Variants in OSBP observed in about 807,000 individuals in gnomAD.
OSBP encodes the protein oxysterol binding protein.
In OSBP, 32 loss-of-function variants were observed where a neutral mutation model predicts 96.6. The ratio of observed to expected loss-of-function variants is 0.33; its 90% CI spans 0.25 to 0.45. OSBP has a LOEUF of 0.45. Ranked by LOEUF, OSBP falls within the 20% of genes least tolerant of loss-of-function variation. The probability of loss-of-function intolerance (pLI) is 1.00; values close to 1 mark genes in which losing one functional copy is unlikely to be tolerated. For missense variants in OSBP, 653 were observed against 1,029.7 expected (o/e 0.63, Z 5.01); for synonymous variants, 369 against 389.6 (o/e 0.95, Z 0.62).
chr11:59,607,147 G>A (rs929963127), intron 3 of OSBP, among the ~76,000 whole-genome samples: 2 of 152,142 alleles, frequency 1.3e-5, no homozygotes, highest in African/African-American at 4.8e-5. Context: ...TTGGATAAAA[G>A]GTGGCATTCA....
At chr11:59,594,651 G>A (rs1394492233) in intron 7 of OSBP, among the ~76,000 whole-genome samples, 1 of 152,206 alleles carries the variant, frequency 6.6e-6, no homozygotes, top group South Asian at 2.1e-4. Context: ...AAAATTCTTG[G>A]AGAATGAAAG....
chr11:59,586,139 C>T (rs999783395), intron 9 of OSBP, among the ~76,000 whole-genome samples: 12 of 141,282 alleles, frequency 8.5e-5, no homozygotes, highest in East Asian at 8.2e-4. Flanking sequence ...TCCCCCTCTG[C>T]GAGAAACACC....
In OSBP at chr11:59,580,233, C is replaced by T; in HGVS notation, c.1819G>A (p.Asp607Asn). 6.2e-7 allele frequency: 1 copy of T among 1,613,300 alleles called. No individual in the cohort carries two copies. Among genetic ancestry groups the T allele is most frequent in the Non-Finnish European group, 8.5e-7 (1 of 1,179,354 alleles). Residue 607 changes from aspartate (D) to asparagine (N), a missense_variant, in exon 11 of 14, where the codon GAC (aspartate) becomes AAC (asparagine). Physicochemically the swap from Asp to Asn is conservative, Grantham distance 23. Transcript: ENST00000263847. The part of the protein sequence containing the change: ...EIDIVNHKTG[D>N]KCNLKFVPYS... The stretch of plus-strand genomic sequence containing the variant: ...GGAACAAATTTAAGATTACACTTGT[C>T]TCCTGTCTTGTGATTCACAATATCA...
intron 6 of OSBP, 25 bp from the exon 7 acceptor site, chr11:59,600,652 A>T (rs377233147): frequency 2.5e-5 from 40 of 1,608,826 alleles, no homozygotes; most frequent in Non-Finnish European, 3.3e-5. Context: ...AAGCCATTCA[A>T]CCACCCACAA....
intron 9 of OSBP, among the ~76,000 whole-genome samples, chr11:59,588,152 G>T (rs1860524470): frequency 6.6e-6 from 1 of 152,188 alleles, no homozygotes; most frequent in African/African-American, 2.4e-5. Flanking sequence ...AAAACTATAT[G>T]ATTCCACTTA....
At chr11:59,607,893 T>G (rs1176198406) in intron 3 of OSBP, among the ~76,000 whole-genome samples, 8 of 152,184 alleles carry the variant, frequency 5.3e-5, no homozygotes, top group Admixed American at 2.0e-4. Context: ...CAAAGTTGAA[T>G]ATTTTGTCTT....
chr11:59,602,996 CCT>C (rs904453406), intron 3 of OSBP, among the ~76,000 whole-genome samples: 6 of 152,150 alleles, frequency 3.9e-5, no homozygotes, highest in East Asian at 1.9e-4. Flanking sequence ...ATCCCTATCC[CCT>C]GTTTCTAAGA....
At position 59,615,430 on chromosome 11, in the gene OSBP, A is replaced by G. The variant is rs528977360; in HGVS notation, c.235T>C (p.Ser79Pro). Residue 79 changes from serine (S) to proline (P), a missense_variant, in exon 1 of 14, where the codon TCG (serine) becomes CCG (proline). Ser to Pro is a moderately conservative substitution (Grantham distance 74). This residue lies in a region of OSBP where 151 missense variants were observed against 146.1 expected (regional missense o/e 1.03). Transcript: ENST00000263847. ...GPAPAPPTGG[S>P]GGSGAGGSGS... ...GAACCCCCAGCGCCCGAGCCGCCCG[A>G]GCCCCCAGTCGGCGGCGCAGGGGCC... 2.3e-4 allele frequency: 342 copies of G among 1,497,744 alleles called. 1 individual carries two copies. Among genetic ancestry groups the G allele is most frequent in the Non-Finnish European group, 2.8e-4 (317 of 1,117,292 alleles). The allele number at this position is 1,497,744 out of a possible 1,614,324, so 92.8% of individuals were successfully genotyped here.
intron 8 of OSBP, 76 bp from the exon 9 acceptor site, chr11:59,593,800 A>G (rs575321285): frequency 6.3e-7 from 1 of 1,580,526 alleles, no homozygotes; most frequent in East Asian, 2.3e-5. Flanking sequence ...GGTGAGAAAC[A>G]CCAAAATTCA....
intron 3 of OSBP, among the ~76,000 whole-genome samples, chr11:59,607,021 A>T (rs1051126209): frequency 6.6e-6 from 1 of 152,198 alleles, no homozygotes; most frequent in Non-Finnish European, 1.5e-5. Context: ...AAAGATGAGT[A>T]CATTTTCAAG....
chr11:59,614,334 T>C (rs1056636367), intron 1 of OSBP, among the ~76,000 whole-genome samples: 1 of 152,160 alleles, frequency 6.6e-6, no homozygotes, highest in African/African-American at 2.4e-5. Flanking sequence ...AGGGTTGTTG[T>C]TGGGAGTCAA....
intron 9 of OSBP, among the ~76,000 whole-genome samples, chr11:59,586,496 A>G (rs2134657326): frequency 6.6e-6 from 1 of 152,354 alleles, no homozygotes; most frequent in South Asian, 2.1e-4. Flanking sequence ...AGCAATCTAC[A>G]GATTCAATGA....
chr11:59,578,699 A>G (rs1232242284), intron 11 of OSBP, among the ~76,000 whole-genome samples: 1 of 152,180 alleles, frequency 6.6e-6, no homozygotes, highest in African/African-American at 2.4e-5. Context: ...CAATCCTCTT[A>G]TCTCCACCTC....
rs189606823 is a variant in OSBP, at chr11:59,583,178, G to C, written c.1679-1624C>G. Among the ~76,000 whole-genome samples the C allele has an allele frequency of 2.5e-3, 385 of 152,136 alleles. 1 individual carries two copies. The highest frequency in any genetic ancestry group is 8.9e-3 in the African/African-American group (368 of 41,488). On this transcript the variant is annotated intron_variant, in intron 9 of 13. Transcript: ENST00000263847. ...ATACAAAAAATTAGCTGGGTGTGGT[G>C]GTGTGCGCCTGTAATCCCAGCTACT...
Position 59,601,802 on chromosome 11 carries a change from T to C in OSBP, c.859A>G (p.Ser287Gly), listed in dbSNP as rs200496917. The C allele has an allele frequency of 3.1e-6, 5 of 1,614,080 alleles. No homozygotes were observed. The highest frequency in any genetic ancestry group is 1.1e-5 in the South Asian group (1 of 91,092). Residue 287 changes from serine to glycine, a missense_variant, in exon 4 of 14, where the codon AGT (serine) becomes GGT (glycine). This residue lies in a region of OSBP where 308 missense variants were observed against 573.1 expected (regional missense o/e 0.54). Transcript: ENST00000263847. ...TGTAGTGACTTTTGCCATTTTTTAC[T>C]ATGGGTCTGGGCTAACATGAGGAAA... is the stretch of plus-strand genomic sequence containing the variant. ...RDFLMLAQTH[S>G]KKWQKSLQYE...
At chr11:59,577,888 C>G (rs1362573674) in intron 12 of OSBP, among the ~76,000 whole-genome samples, 3 of 152,192 alleles carry the variant, frequency 2.0e-5, no homozygotes, top group African/African-American at 7.2e-5. Context: ...GAAAAATACC[C>G]TTCTGAATCA....
chr11:59,609,690 C>T (rs1860821402), intron 2 of OSBP, among the ~76,000 whole-genome samples: 1 of 152,116 alleles, frequency 6.6e-6, no homozygotes, highest in South Asian at 2.1e-4. Flanking sequence ...GGTAAACAAG[C>T]TCAGTATGAT....
chr11:59,613,940 C>A (rs1860886781), intron 1 of OSBP, among the ~76,000 whole-genome samples: 1 of 152,112 alleles, frequency 6.6e-6, no homozygotes, highest in Admixed American at 6.5e-5. Flanking sequence ...CAGCCTAACT[C>A]TCTGGGTAGC....
chr11:59,601,698 G>A lies in OSBP; in HGVS notation c.963C>T (p.Ala321=). ...CCGGCAGCACCGTGGCTCCTCGGAA[G>A]GCCCTCTCCAGGTGATTATGCTGCT... ...LAKQHNHLER[A]FRGATVLPAN... Residue 321 remains alanine (A), a synonymous_variant, in exon 4 of 14, where the codon GCC becomes GCT. Coordinates refer to ENST00000263847, the MANE Select transcript of OSBP (RefSeq NM_002556.3). The A allele has an allele frequency of 6.2e-7, 1 of 1,613,768 alleles. No homozygotes were observed. The highest frequency in any genetic ancestry group is 8.5e-7 in the Non-Finnish European group (1 of 1,180,024).
Sources: allele counts gnomAD v4.1 joint callset (sites outside exome capture counted in the v4.1 genomes callset), GRCh38; gene constraint gnomAD v4.1.1; regional missense constraint gnomAD v4.1.1; transcripts MANE v1.5; gene names NCBI Gene and HGNC (gene_info 2026-07-23, HGNC 2026-07-21).